ENOX1: variants seen among roughly 807,000 people sequenced by gnomAD.
ENOX1 encodes candidate growth-related and time keeping constitutive hydroquinone (NADH) oxidase.
ENOX1 carries 42 observed loss-of-function variants against 82.5 expected under a neutral mutation model. The ratio of observed to expected loss-of-function variants is 0.51; its 90% CI spans 0.40 to 0.66. The LOEUF is 0.66. ENOX1 is among the 30% of genes least tolerant of loss of function. ENOX1 has a pLI of 0.00. For missense variants in ENOX1, 608 were observed against 811.6 expected, an observed-to-expected ratio of 0.75 and a Z score of 3.05; for synonymous variants, 271 against 282.2, an observed-to-expected ratio of 0.96 and a Z score of 0.40.
intron 2 of ENOX1, among the ~76,000 whole-genome samples, chr13:43,641,728 T>C (rs2083664060): frequency 6.6e-6 from 1 of 151,574 alleles, no homozygotes. Flanking sequence ...AGAGATGGGG[T>C]TTCACCGTGT....
chr13:43,281,603 G>A (rs890005675), intron 12 of ENOX1, among the ~76,000 whole-genome samples: 3 of 152,108 alleles, frequency 2.0e-5, no homozygotes, highest in African/African-American at 7.2e-5. Context: ...GTTGGCAATT[G>A]CATACATTTT....
At chr13:43,479,174 G>A (rs1206163668) in intron 3 of ENOX1, among the ~76,000 whole-genome samples, 1 of 152,154 alleles carries the variant, frequency 6.6e-6, no homozygotes, top group Non-Finnish European at 1.5e-5. Context: ...GGCAGGAGGT[G>A]AGGCCAAGGA....
intron 3 of ENOX1, among the ~76,000 whole-genome samples, chr13:43,459,756 G>A (rs1406314258): frequency 1.3e-5 from 2 of 152,214 alleles, no homozygotes; most frequent in Non-Finnish European, 2.9e-5. Flanking sequence ...CACTTTGGGA[G>A]GCTGAGACGG....
chr13:43,663,393 C>G (rs2153786767), intron 2 of ENOX1, among the ~76,000 whole-genome samples: 1 of 152,254 alleles, frequency 6.6e-6, no homozygotes, highest in South Asian at 2.1e-4. Context: ...TGCCCTGCCC[C>G]CTCATACCAC....
chr13:43,688,612 A>G (rs908035291), intron 1 of ENOX1, among the ~76,000 whole-genome samples: 2 of 152,226 alleles, frequency 1.3e-5, no homozygotes, highest in South Asian at 2.1e-4. Flanking sequence ...AACAGGCCAT[A>G]GGCCAAATTC....
At chr13:43,505,444 AG>A (rs1361063447) in intron 2 of ENOX1, among the ~76,000 whole-genome samples, 2 of 151,984 alleles carry the variant, frequency 1.3e-5, no homozygotes, top group Non-Finnish European at 2.9e-5. Context: ...TCTGATACAA[AG>A]TTTGCAGTCA....
At chr13:43,312,428 G>A (rs2047256623) in intron 11 of ENOX1, among the ~76,000 whole-genome samples, 1 of 152,154 alleles carries the variant, frequency 6.6e-6, no homozygotes, top group African/African-American at 2.4e-5. Context: ...GGGGTGCAAA[G>A]AAAACATGGG....
At chr13:43,623,423 TCTCA>T (rs1296114667) in intron 2 of ENOX1, among the ~76,000 whole-genome samples, 3 of 152,272 alleles carry the variant, frequency 2.0e-5, no homozygotes, top group Admixed American at 6.5e-5. Context: ...CCAGGGCCCT[TCTCA>T]CTGTTTCCTC....
At chr13:43,468,850 A>AT (rs1029446230) in intron 3 of ENOX1, among the ~76,000 whole-genome samples, 6 of 152,176 alleles carry the variant, frequency 3.9e-5, no homozygotes, top group African/African-American at 1.4e-4. Flanking sequence ...ATTCCTAAGC[A>AT]TTTTTTATTG....
At chr13:43,762,316 G>A (rs1951032524) in intron 1 of ENOX1, among the ~76,000 whole-genome samples, 1 of 152,196 alleles carries the variant, frequency 6.6e-6, no homozygotes. Context: ...TGAGAAGAGG[G>A]AAAGGTGTGC....
chr13:43,717,048 A>G (rs2088192094), intron 1 of ENOX1, among the ~76,000 whole-genome samples: 1 of 152,114 alleles, frequency 6.6e-6, no homozygotes, highest in Non-Finnish European at 1.5e-5. Context: ...CTATTCTAAA[A>G]TTCATGTGGA....
chr13:43,370,671 T>TTGGTTGTTTCTTTTAA (rs2051177218), intron 5 of ENOX1, among the ~76,000 whole-genome samples: 1 of 152,214 alleles, frequency 6.6e-6, no homozygotes, highest in Non-Finnish European at 1.5e-5. Context: ...ACTTTAGGGC[T>TTGGTTGTTTCTTTTAA]TGGTTGTTTC....
intron 2 of ENOX1, among the ~76,000 whole-genome samples, chr13:43,492,626 T>C (rs2076660380): frequency 6.6e-6 from 1 of 152,180 alleles, no homozygotes; most frequent in Admixed American, 6.5e-5. Context: ...CATTTTGTCA[T>C]TGCAAACCGG....
intron 3 of ENOX1, among the ~76,000 whole-genome samples, chr13:43,452,055 T>A (rs372098117): frequency 1.3e-5 from 2 of 152,228 alleles, no homozygotes; most frequent in East Asian, 3.8e-4. Context: ...TATTCCACAC[T>A]TACTTTTTCC....
chr13:43,629,769 C>T (rs1180814609), intron 2 of ENOX1, among the ~76,000 whole-genome samples: 1 of 152,186 alleles, frequency 6.6e-6, no homozygotes, highest in South Asian at 2.1e-4. Context: ...TCACATCTGC[C>T]ATTTTAGAGT....
At chr13:43,304,691 A>C (rs2046766113) in intron 11 of ENOX1, among the ~76,000 whole-genome samples, 2 of 152,160 alleles carry the variant, frequency 1.3e-5, no homozygotes, top group Non-Finnish European at 2.9e-5. Flanking sequence ...ACTCTTCAGG[A>C]AATCTTGAGG....
intron 5 of ENOX1, among the ~76,000 whole-genome samples, chr13:43,403,536 C>T (rs2053616018): frequency 6.6e-6 from 1 of 152,168 alleles, no homozygotes; most frequent in Non-Finnish European, 1.5e-5. Flanking sequence ...TACACATTCT[C>T]TTATCTCTAG....
chr13:43,439,478 GCGTGAGCCAC>G (rs2056240064), intron 3 of ENOX1, among the ~76,000 whole-genome samples: 1 of 152,154 alleles, frequency 6.6e-6, no homozygotes, highest in Admixed American at 6.5e-5. Context: ...GGGATTACAG[GCGTGAGCCAC>G]CGTCCCTGGC....
chr13:43,480,755 C>T (rs1229322492), intron 3 of ENOX1, among the ~76,000 whole-genome samples: 1 of 151,982 alleles, frequency 6.6e-6, no homozygotes, highest in Non-Finnish European at 1.5e-5. Context: ...CTAGATGAAA[C>T]AGATACATTT....
Sources: allele counts gnomAD v4.1 joint callset (sites outside exome capture counted in the v4.1 genomes callset), GRCh38; gene constraint gnomAD v4.1.1; transcripts MANE v1.5; gene names NCBI Gene and HGNC (gene_info 2026-07-23, HGNC 2026-07-21).